APBB2: variants seen among roughly 807,000 people sequenced by gnomAD.
APBB2 encodes the protein amyloid beta precursor protein binding family B member 2.
Under a neutral mutation model 82.5 loss-of-function variants are expected in APBB2, and 38 were observed. The ratio of observed to expected loss-of-function variants is 0.46; its 90% CI spans 0.36 to 0.60. The LOEUF (loss-of-function observed/expected upper bound fraction) is 0.60, where lower values mean the gene tolerates loss of function less well. Ranked by LOEUF, APBB2 falls within the 20% of genes least tolerant of loss-of-function variation. APBB2 has a pLI of 0.00. For missense variants in APBB2, 772 were observed against 972.3 expected (o/e 0.79, Z 2.74); for synonymous variants, 341 against 368.2 (o/e 0.93, Z 0.85).
chr4:40,867,736 T>C (rs927585232), intron 12 of APBB2, among the ~76,000 whole-genome samples: 1 of 152,190 alleles, frequency 6.6e-6, no homozygotes, highest in Non-Finnish European at 1.5e-5. Flanking sequence ...AGAGACTGCT[T>C]AGCCTACAAA....
At chr4:40,897,720 G>A (rs935562917) in intron 10 of APBB2, among the ~76,000 whole-genome samples, 5 of 152,168 alleles carry the variant, frequency 3.3e-5, no homozygotes, top group African/African-American at 1.2e-4. Flanking sequence ...CGCCCGAGGG[G>A]CCAGCTTGGC....
chr4:40,992,308 T>C (rs1802338065), intron 6 of APBB2, among the ~76,000 whole-genome samples: 2 of 146,310 alleles, frequency 1.4e-5, no homozygotes, highest in African/African-American at 4.9e-5. Flanking sequence ...GTACTAAAGG[T>C]GCACGGCACT....
chr4:40,888,045 G>A (rs1770838518), intron 12 of APBB2, among the ~76,000 whole-genome samples: 1 of 152,158 alleles, frequency 6.6e-6, no homozygotes, highest in African/African-American at 2.4e-5. Context: ...TCTCCCTGCG[G>A]TCTGACTCCT....
chr4:41,178,615 A>G (rs922148798), intron 1 of APBB2, among the ~76,000 whole-genome samples: 1 of 152,182 alleles, frequency 6.6e-6, no homozygotes, highest in African/African-American at 2.4e-5. Flanking sequence ...ATCTTCTATC[A>G]AGGCTCACAT....
chr4:41,051,770 A>G (rs1259359990), intron 4 of APBB2, among the ~76,000 whole-genome samples: 3 of 152,110 alleles, frequency 2.0e-5, no homozygotes, highest in African/African-American at 7.2e-5. Context: ...TACCACCTTT[A>G]TCACCACCAC....
chr4:40,939,576 G>GT (rs1242129940), intron 7 of APBB2, among the ~76,000 whole-genome samples: 1 of 152,186 alleles, frequency 6.6e-6, no homozygotes, highest in African/African-American at 2.4e-5. Context: ...ATGTCAGTGA[G>GT]TGTTTTATCA....
At chr4:41,189,475 T>C (rs981321794) in intron 1 of APBB2, among the ~76,000 whole-genome samples, 1 of 152,188 alleles carries the variant, frequency 6.6e-6, no homozygotes, top group Non-Finnish European at 1.5e-5. Context: ...ATCTGTGTGC[T>C]TTCCCTTAAT....
chr4:40,830,088 T>A (rs1434705509), intron 13 of APBB2, among the ~76,000 whole-genome samples: 1 of 152,198 alleles, frequency 6.6e-6, no homozygotes. Flanking sequence ...ACCTGAGATA[T>A]ATACATTTCT....
At chr4:41,196,541 C>T in intron 1 of APBB2, among the ~76,000 whole-genome samples, 1 of 151,532 alleles carries the variant, frequency 6.6e-6, no homozygotes, top group African/African-American at 2.4e-5. Context: ...CCCAAAACCT[C>T]ACTGCCCCAC....
At position 41,095,422 on chromosome 4, in the gene APBB2, T is replaced by C. The variant is rs184481849; in HGVS notation, c.-149+5217A>G. On this transcript the variant is annotated intron_variant, in intron 3 of 17. Transcript: ENST00000508593. ...TCCAGGGCCCTGTCAGAACCTATTA[T>C]TAACTCTCCTTTAAAGATGAGGAAA... Among the ~76,000 whole-genome samples the C allele has an allele frequency of 2.9e-3, 442 of 152,306 alleles. 3 individuals are homozygous for C. Among genetic ancestry groups the C allele is most frequent in the African/African-American group, 8.6e-3 (358 of 41,564 alleles).
intron 6 of APBB2, among the ~76,000 whole-genome samples, chr4:40,998,756 T>C (rs1183086264): frequency 6.6e-6 from 1 of 152,180 alleles, no homozygotes; most frequent in Non-Finnish European, 1.5e-5. Flanking sequence ...TCTTGTGCTT[T>C]GGGTCATTAT....
intron 6 of APBB2, among the ~76,000 whole-genome samples, chr4:41,007,971 G>A (rs1807251429): frequency 6.6e-6 from 1 of 152,180 alleles, no homozygotes; most frequent in South Asian, 2.1e-4. Flanking sequence ...ACTTTATAAG[G>A]ACTTTATACA....
rs535854342 is a variant in APBB2, at chr4:40,856,853, C to G, written c.1530-26276G>C. On this transcript the variant is annotated intron_variant, in intron 12 of 17. Transcript: ENST00000508593. ...CCCCTCTTCAGCCCTTCCAGCCGTC[C>G]AGGACCAGGCAACTCGCTAAGCGCT... 7.7e-5 allele frequency: 60 copies of G among 781,468 alleles called. No individual in the cohort carries two copies. In the East Asian group the frequency reaches 6.2e-3, roughly 81 times the overall value. The allele number at this position is 781,468 out of a possible 1,614,324, so 48.4% of individuals were successfully genotyped here.
At chr4:41,027,364 C>CAT (rs36224955) in intron 5 of APBB2, among the ~76,000 whole-genome samples, 4,394 of 125,814 alleles carry the variant, frequency 0.035, 93 homozygotes, top group Admixed American at 0.045. Context: ...CATATTGTTA[C>CAT]ATATATATAT....
rs945154033 is a variant in APBB2 at position 40,957,023 on chromosome 4, G to A, written c.836-11950C>T. Among the ~76,000 whole-genome samples the A allele has an allele frequency of 3.3e-5, 5 of 152,284 alleles. No homozygotes were observed. In the East Asian group the frequency reaches 9.6e-4, roughly 29 times the overall value. On this transcript the variant is annotated intron_variant, in intron 6 of 17. Coordinates refer to ENST00000508593, the MANE Select transcript of APBB2 (RefSeq NM_004307.2). Reference sequence around the variant, plus strand: ...TTGAATCTAGCCCCGATGCCTGCTAGTTGTGTGACCTCAGAGAAAATGGCT... The same window carrying A: ...TTGAATCTAGCCCCGATGCCTGCTAATTGTGTGACCTCAGAGAAAATGGCT...
At chr4:41,005,022 C>T (rs1233790591) in intron 6 of APBB2, among the ~76,000 whole-genome samples, 2 of 152,054 alleles carry the variant, frequency 1.3e-5, no homozygotes, top group East Asian at 3.9e-4. Context: ...TTTCAATTCC[C>T]CATGGATGTA....
chr4:40,899,225 C>T (rs187158974), intron 10 of APBB2, among the ~76,000 whole-genome samples: 2 of 152,160 alleles, frequency 1.3e-5, no homozygotes, highest in South Asian at 2.1e-4. Flanking sequence ...GGGCTAAATT[C>T]GAGTTTGCTG....
intron 1 of APBB2, among the ~76,000 whole-genome samples, chr4:41,150,596 A>C (rs1278349892): frequency 6.6e-6 from 1 of 152,198 alleles, no homozygotes; most frequent in Non-Finnish European, 1.5e-5. Flanking sequence ...AGCCTTCCCC[A>C]GTATAGCAAC....
rs568510314 is a variant in APBB2, at chr4:40,889,672, C to T, written c.1529+692G>A. On this transcript the variant is annotated intron_variant, in intron 12 of 17. Coordinates refer to ENST00000508593, the MANE Select transcript of APBB2 (RefSeq NM_004307.2). ...TCTCTGAACATAAAGTCTGTGATAA[C>T]TGCTATTTTATTAGTTAAAATACAC... is the stretch of plus-strand genomic sequence containing the variant. Among the ~76,000 whole-genome samples the T allele has an allele frequency of 2.6e-5, 4 of 152,330 alleles. No homozygotes were observed. The South Asian group carries it at 8.3e-4, about 32-fold the overall frequency.
Sources: gnomAD v4.1 joint callset for allele counts (sites outside exome capture counted in the v4.1 genomes callset) on GRCh38, gnomAD v4.1.1 for gene constraint, MANE v1.5 for transcripts, NCBI Gene and HGNC (gene_info 2026-07-23, HGNC 2026-07-21) for gene names.